The following MCF2L variants were observed in gnomAD, a reference collection of about 807,000 sequenced individuals.
MCF2L encodes the protein guanine nucleotide exchange factor DBS.
In MCF2L, 97 loss-of-function variants were observed where a neutral mutation model predicts 153.4. The observed-to-expected ratio is 0.63, with a 90% CI of 0.54 to 0.75. The LOEUF is 0.75. Among genes scored for constraint, MCF2L ranks in the 30% least tolerant of loss-of-function variants. The probability of loss-of-function intolerance (pLI) is 0.00; values close to 1 mark genes in which losing one functional copy is unlikely to be tolerated. For missense variants in MCF2L, 1,347 were observed against 1,495.2 expected (o/e 0.90, Z 1.64); for synonymous variants, 659 against 632.2 (o/e 1.04, Z -0.64).
chr13:112,949,787 A>G (rs563776611), intron 2 of MCF2L, among the ~76,000 whole-genome samples: 2 of 152,270 alleles, frequency 1.3e-5, no homozygotes, highest in South Asian at 2.1e-4. Context: ...CACAACTAAC[A>G]TGACACTAAA....
chr13:113,034,023 T>A (rs2085975394), intron 3 of MCF2L: 1 of 167,076 alleles, frequency 6.0e-6, no homozygotes, highest in Non-Finnish European at 1.5e-5. Context: ...CCCCAGGTCC[T>A]TTTCTGTTAC....
At position 113,046,654 on chromosome 13, in the gene MCF2L, C is replaced by T. The variant is rs565682655; in HGVS notation, c.369+1293C>T. On this transcript the variant is annotated intron_variant, in intron 4 of 29. Coordinates refer to ENST00000535094, the MANE Select transcript of MCF2L (RefSeq NM_001112732.3). The surrounding 1 kb of genome is among the most constrained non-coding windows in gnomAD (Gnocchi z 4.4). ...ACAACCTTCATCGTTTTGGTGCAAG[C>T]CTGTCCCTGAGCCGCTGGTTCTCAT... 2 of 533,324 alleles carry T rather than the reference C, an allele frequency of 3.8e-6. No individual in the cohort carries two copies. Among genetic ancestry groups the T allele is most frequent in the Non-Finnish European group, 7.7e-6 (2 of 259,904 alleles). 33.0% of individuals were successfully genotyped at this position (533,324 alleles called of 1,614,324 possible). A position where few individuals can be genotyped will look rare whatever the true frequency, so the allele number is the denominator to read the frequency against.
intron 2 of MCF2L, chr13:112,957,317 A>G (rs1428279986): frequency 2.6e-5 from 4 of 152,344 alleles, no homozygotes; most frequent in South Asian, 4.1e-4. Flanking sequence ...ATTTTCAGAA[A>G]TGGAGTTCAC....
At chr13:113,007,157 C>A (rs370619057) in intron 1 of MCF2L, among the ~76,000 whole-genome samples, 2 of 152,306 alleles carry the variant, frequency 1.3e-5, no homozygotes, top group African/African-American at 4.8e-5. Context: ...TACACCCCAG[C>A]CAGGGCATGA....
At chr13:113,044,606 G>A (rs2086686428) in intron 3 of MCF2L, 1 of 1,564,558 alleles carries the variant, frequency 6.4e-7, no homozygotes, top group Non-Finnish European at 8.6e-7. Context: ...CTTGGCTGCA[G>A]AGTGAGCCCA....
Position 112,979,314 on chromosome 13 carries a change from A to C in MCF2L, c.79+9856A>C, listed in dbSNP as rs1270884525. 2.5e-6 allele frequency: 3 copies of C among 1,192,480 alleles called. No individual in the cohort carries two copies. The African/African-American group carries it at 4.8e-5, about 19-fold the overall frequency. 73.9% of individuals were successfully genotyped at this position (1,192,480 alleles called of 1,614,324 possible). On this transcript the variant is annotated intron_variant, in intron 1 of 29. Transcript: ENST00000535094. ...CCTGTTCGAGGAAGGAAAGGCCCAG[A>C]ACTTGCACACAGCAGGCAGGCCCAG... is the stretch of plus-strand genomic sequence containing the variant.
chr13:112,943,143 C>T lies in MCF2L; in HGVS notation c.169+40772C>T, dbSNP rs572231641. On this transcript the variant is annotated intron_variant, in intron 2 of 29. Transcript: ENST00000375608. The surrounding 1 kb of genome is among the most constrained non-coding windows in gnomAD (Gnocchi z 4.2). ...TGTCAGAAACAGCTGCGAGGAGCAT[C>T]CAGCCTAGGGCTCAGCAGGTGTGAC... 6.6e-6 allele frequency among the ~76,000 whole-genome samples: 1 copy of T among 152,342 alleles called. No homozygotes were observed. The highest frequency in any genetic ancestry group is 2.1e-4 in the South Asian group (1 of 4,828).
chr13:113,094,393 C>T, intron 26 of MCF2L, 121 bp from the exon 27 acceptor site: 1 of 1,015,996 alleles, frequency 9.8e-7, no homozygotes, highest in Non-Finnish European at 1.4e-6. Context: ...ATGACAGGCT[C>T]TGTTGGGGGC....
rs1460571549 is a variant in MCF2L at position 113,028,798 on chromosome 13, G to A, written c.278+4040G>A. Among the ~76,000 whole-genome samples the A allele has an allele frequency of 1.3e-5, 2 of 152,122 alleles. No homozygotes were observed. On this transcript the variant is annotated intron_variant, in intron 3 of 29. Transcript: ENST00000535094. The surrounding 1 kb of genome is among the most constrained non-coding windows in gnomAD (Gnocchi z 5.4). Reference sequence around the variant, plus strand: ...CTCAGTGTGGGTGTCTGAGTGTGTGGTGTGAGTGTGTGTAATGTGAGCCTG... The same window carrying A: ...CTCAGTGTGGGTGTCTGAGTGTGTGATGTGAGTGTGTGTAATGTGAGCCTG...
At chr13:113,063,901 C>T in intron 5 of MCF2L, 1 of 449,744 alleles carries the variant, frequency 2.2e-6, no homozygotes, top group Admixed American at 2.4e-5. Context: ...TTCTGTGAAA[C>T]CCATTTTGAC....
intron 11 of MCF2L, among the ~76,000 whole-genome samples, chr13:113,075,765 C>T (rs974639073): frequency 4.6e-5 from 4 of 86,546 alleles, no homozygotes; most frequent in African/African-American, 1.6e-4. Flanking sequence ...TGGGATTGGC[C>T]TTGTCCAGCA....
intron 2 of MCF2L, among the ~76,000 whole-genome samples, chr13:112,931,539 A>C (rs2081463563): frequency 6.6e-6 from 1 of 152,156 alleles, no homozygotes; most frequent in South Asian, 2.1e-4. Flanking sequence ...GTGGCGACAT[A>C]CAGAAATACT....
intron 1 of MCF2L, among the ~76,000 whole-genome samples, chr13:112,986,697 C>T (rs535902680): frequency 1.5e-3 from 229 of 152,316 alleles, no homozygotes; most frequent in African/African-American, 5.2e-3. Flanking sequence ...GTCTGCTGGG[C>T]GGGCCTGCCT....
At chr13:112,899,990 T>C (rs1347849276) in intron 1 of MCF2L, among the ~76,000 whole-genome samples, 1 of 152,166 alleles carries the variant, frequency 6.6e-6, no homozygotes, top group Non-Finnish European at 1.5e-5. Context: ...GTAGCCCTCA[T>C]GCCTGGTGTC....
intron 16 of MCF2L, among the ~76,000 whole-genome samples, chr13:113,082,213 G>A (rs1379060526): frequency 6.6e-6 from 1 of 152,222 alleles, no homozygotes; most frequent in East Asian, 1.9e-4. Flanking sequence ...AAGGTTAAAA[G>A]GGAGAAGGGT....
chr13:112,917,366 G>C lies in MCF2L; in HGVS notation c.169+14995G>C, dbSNP rs139814288. ...CTCATCTGTGTTTTCACTCATGCCC[G>C]TATCCGACCTCCCGGGAAATCCTGT... is the stretch of plus-strand genomic sequence containing the variant. On this transcript the variant is annotated intron_variant, in intron 2 of 29. Transcript: ENST00000375608. 1.1e-5 allele frequency: 4 copies of C among 349,616 alleles called. No homozygotes were observed. The Admixed American group carries it at 1.2e-4, about 10-fold the overall frequency. The allele number at this position is 349,616 out of a possible 1,614,324, so 21.7% of individuals were successfully genotyped here.
rs574936721 is a variant in MCF2L, at chr13:113,070,002, C to G, written c.882-57C>G. 1.7e-5 allele frequency: 22 copies of G among 1,295,968 alleles called. No homozygotes were observed. Among genetic ancestry groups the G allele is most frequent in the Non-Finnish European group, 2.2e-5 (20 of 911,470 alleles). The allele number at this position is 1,295,968 out of a possible 1,614,324, so 80.3% of individuals were successfully genotyped here. A position where few individuals can be genotyped will look rare whatever the true frequency, so the allele number is the denominator to read the frequency against. ...GGGTCGCTTGAACACCCACCGCGCT[C>G]CACGTTGCATGGGGCGCCGTGGGCC... On this transcript the variant is annotated intron_variant, in intron 8 of 29. Coordinates refer to ENST00000535094, the MANE Select transcript of MCF2L (RefSeq NM_001112732.3). This position sits in a 1 kb window ranked among gnomAD's most constrained non-coding sequence, Gnocchi z 5.6.
intron 27 of MCF2L, 100 bp from the exon 28 acceptor site, chr13:113,096,271 C>G (rs1162887417): frequency 8.7e-6 from 8 of 919,908 alleles, no homozygotes; most frequent in Non-Finnish European, 1.2e-5. Flanking sequence ...GAGCTCCCAC[C>G]GGGGCAGGGC....
intron 2 of MCF2L, among the ~76,000 whole-genome samples, chr13:112,954,220 C>T (rs1237298795): frequency 6.6e-6 from 1 of 152,192 alleles, no homozygotes; most frequent in Non-Finnish European, 1.5e-5. Context: ...TCACACAAAG[C>T]CACATTGGAA....
Sources: allele counts gnomAD v4.1 joint callset (sites outside exome capture counted in the v4.1 genomes callset), GRCh38; gene constraint gnomAD v4.1.1; non-coding constraint Gnocchi (gnomAD v3.1); transcripts MANE v1.5; gene names NCBI Gene and HGNC (gene_info 2026-07-23, HGNC 2026-07-21).